The following RRM1 variants were observed in gnomAD, a reference collection of about 807,000 sequenced individuals.
RRM1 encodes the protein ribonucleoside-diphosphate reductase large subunit.
RRM1 carries 19 observed loss-of-function variants against 101.5 expected under a neutral mutation model. The observed-to-expected ratio is 0.19, with a 90% confidence interval of 0.13 to 0.27. The LOEUF (loss-of-function observed/expected upper bound fraction) is 0.27, where lower values mean the gene tolerates loss of function less well. RRM1 is among the 10% of genes least tolerant of loss of function. The probability of loss-of-function intolerance (pLI) is 1.00; values close to 1 mark genes in which losing one functional copy is unlikely to be tolerated. For synonymous variants in RRM1, 298 were observed against 323.4 expected (o/e 0.92, Z 0.84); for missense variants, 500 against 962.9 (o/e 0.52, Z 6.36).
At chr11:4,101,783 C>T (rs990300763) in intron 1 of RRM1, 5 of 477,020 alleles carry the variant, frequency 1.0e-5, no homozygotes, top group African/African-American at 6.1e-5. Context: ...TATCCGTAAA[C>T]GTCTGTCTGT....
intron 14 of RRM1, 126 bp from the exon 15 acceptor site, chr11:4,128,948 A>G (rs1190310510): frequency 3.7e-6 from 2 of 535,818 alleles, no homozygotes; most frequent in African/African-American, 3.9e-5. Flanking sequence ...TTCCTCATAG[A>G]GGTTGATTAG....
In RRM1 at chr11:4,133,029, G is replaced by A. The variant is rs527333992; in HGVS notation, c.1906-534G>A. On this transcript the variant is annotated intron_variant, in intron 16 of 18. Transcript: ENST00000300738. ...CGCTATTCTTTTCACTTTTGCAAAC[G>A]CCATATGTTTCTTTTTTAATGAAAA... Among the ~76,000 whole-genome samples the A allele has an allele frequency of 3.9e-5, 6 of 152,046 alleles. No individual in the cohort carries two copies. The South Asian group carries it at 6.2e-4, about 16-fold the overall frequency.
At chr11:4,126,991 T>A (rs1433477019) in intron 13 of RRM1, 44 bp from the exon 14 acceptor site, 1 of 1,541,744 alleles carries the variant, frequency 6.5e-7, no homozygotes, top group Non-Finnish European at 8.8e-7. Context: ...CTTTTCCTGT[T>A]CAGTAATGTT....
In RRM1 at chr11:4,121,524, C is replaced by G. The variant is rs574159903; in HGVS notation, c.877-80C>G. The G allele has an allele frequency of 3.9e-5, 40 of 1,032,846 alleles. 1 individual carries two copies. The South Asian group carries it at 7.8e-4, about 20-fold the overall frequency. The allele number at this position is 1,032,846 out of a possible 1,614,324, so 64.0% of individuals were successfully genotyped here. The stretch of plus-strand genomic sequence containing the variant: ...ATTGTAGTGAAAATCAAAGGAGATA[C>G]TATAAAAGTGCTTTGGGAGACATGA... On this transcript the variant is annotated intron_variant, in intron 9 of 18. Transcript: ENST00000300738.
At position 4,118,472 on chromosome 11, in the gene RRM1, G is replaced by C; in HGVS notation, c.792+11G>C. On this transcript the variant is annotated intron_variant, in intron 8 of 18. Coordinates refer to ENST00000300738, the MANE Select transcript of RRM1 (RefSeq NM_001033.5). ...AGCTACATTGCTGGGGTAGGTTTCT[G>C]CCATTTGACTTTTAAAGGGGGATTC... The C allele has an allele frequency of 6.2e-7, 1 of 1,613,622 alleles. No individual in the cohort carries two copies. Among genetic ancestry groups the C allele is most frequent in the Non-Finnish European group, 8.5e-7 (1 of 1,179,768 alleles).
At chr11:4,108,892 G>T (rs990811539) in intron 4 of RRM1, among the ~76,000 whole-genome samples, 5 of 152,102 alleles carry the variant, frequency 3.3e-5, no homozygotes, top group Non-Finnish European at 5.9e-5. Context: ...CTTTCGTATA[G>T]GTTTTTCTAG....
chr11:4,110,176 T>A (rs1369704260), intron 5 of RRM1, among the ~76,000 whole-genome samples: 1 of 152,096 alleles, frequency 6.6e-6, no homozygotes, highest in Non-Finnish European at 1.5e-5. Flanking sequence ...TTTTTGAGTC[T>A]GTGTCTCACT....
intron 18 of RRM1, chr11:4,137,367 C>G (rs1221421997): frequency 5.9e-6 from 1 of 169,032 alleles, no homozygotes; most frequent in African/African-American, 2.4e-5. Context: ...CGCCCCTCAC[C>G]TCCCAGACGG....
At chr11:4,106,933 G>T (rs1463683322) in intron 3 of RRM1, among the ~76,000 whole-genome samples, 1 of 149,954 alleles carries the variant, frequency 6.7e-6, no homozygotes, top group Non-Finnish European at 1.5e-5. Context: ...TGCTCTTATC[G>T]CCTAGGCTGG....
intron 9 of RRM1, 175 bp downstream of exon 9, chr11:4,120,103 G>C: frequency 3.9e-6 from 2 of 507,864 alleles, no homozygotes; most frequent in South Asian, 4.8e-5. Context: ...CAGTTTGATG[G>C]GTTTTGACAA....
At position 4,138,611 on chromosome 11, in the gene RRM1, G is replaced by T; in HGVS notation, c.*228G>T. On this transcript the variant is annotated 3_prime_UTR_variant, in exon 19 of 19. Coordinates refer to ENST00000300738, the MANE Select transcript of RRM1 (RefSeq NM_001033.5). ...TTTTGAAAAAAAGAAAAAAAAAACG[G>T]ATATATTGAGAATCAAAGTAGAAGT... 2 of 337,198 alleles carry T rather than the reference G, an allele frequency of 5.9e-6. No individual in the cohort carries two copies. Among genetic ancestry groups the T allele is most frequent in the Middle Eastern group, 7.6e-4 (1 of 1,308 alleles). The allele number at this position is 337,198 out of a possible 1,614,324, so 20.9% of individuals were successfully genotyped here.
chr11:4,114,321 A>G (rs2133299619), intron 7 of RRM1, among the ~76,000 whole-genome samples: 1 of 152,122 alleles, frequency 6.6e-6, no homozygotes, highest in Admixed American at 6.5e-5. Flanking sequence ...TGGGAGGCTG[A>G]GGCAGGTGGA....
Position 4,107,513 on chromosome 11 carries a change from A to G in RRM1, c.365A>G (p.Asp122Gly). 1 of 1,612,806 alleles carries G rather than the reference A, an allele frequency of 6.2e-7. No individual in the cohort carries two copies. Among genetic ancestry groups the G allele is most frequent in the Non-Finnish European group, 8.5e-7 (1 of 1,178,862 alleles). ...HSPMVAKSTL[D>G]IVLANKDRLN... ...CCCATGGTGGCCAAGTCAACATTGGATATTGTTCTGGCCAATAAAGATGTA... is the reference window on the plus strand; with the variant it reads ...CCCATGGTGGCCAAGTCAACATTGGGTATTGTTCTGGCCAATAAAGATGTA... Residue 122 changes from aspartate (D) to glycine (G), a missense_variant, in exon 4 of 19, where the codon GAT becomes GGT. Transcript: ENST00000300738.
intron 7 of RRM1, among the ~76,000 whole-genome samples, chr11:4,113,689 A>G (rs2133298936): frequency 6.6e-6 from 1 of 152,348 alleles, no homozygotes; most frequent in Middle Eastern, 3.4e-3. Flanking sequence ...CCTACTACAC[A>G]CATAGGATAT....
rs1554976190 is a variant in RRM1 at position 4,130,066 on chromosome 11, T to TA, written c.1769+916_1769+917insA. ...TTAAGAAAATGGACCTGTACTGTAT[T>TA]TATATATATATATATATATATTTTT... is the stretch of plus-strand genomic sequence containing the variant. On this transcript the variant is annotated intron_variant, in intron 15 of 18. Coordinates refer to ENST00000300738, the MANE Select transcript of RRM1 (RefSeq NM_001033.5). Among the ~76,000 whole-genome samples, 76 of 32,980 alleles carry TA rather than the reference T, an allele frequency of 2.3e-3. 1 individual carries two copies. Among genetic ancestry groups the TA allele is most frequent in the South Asian group, 0.014 (9 of 650 alleles). 21.6% of individuals were successfully genotyped at this position (32,980 alleles called of 152,430 possible). A position where few individuals can be genotyped will look rare whatever the true frequency, so the allele number is the denominator to read the frequency against.
intron 18 of RRM1, 48 bp from the exon 19 acceptor site, chr11:4,138,147 G>T (rs767171984): frequency 1.9e-5 from 21 of 1,101,062 alleles, no homozygotes; most frequent in Non-Finnish European, 2.5e-5. Flanking sequence ...GGAATGTCTA[G>T]TATTCTCACA....
chr11:4,103,687 A>G (rs569000748), intron 2 of RRM1, among the ~76,000 whole-genome samples: 77 of 152,136 alleles, frequency 5.1e-4, no homozygotes, highest in African/African-American at 1.4e-3. Context: ...CAGTGGCTCA[A>G]TCTTGGCCCA....
intron 17 of RRM1, among the ~76,000 whole-genome samples, chr11:4,134,424 C>T (rs543107764): frequency 1.3e-5 from 2 of 152,202 alleles, no homozygotes; most frequent in South Asian, 2.1e-4. Context: ...AGTCACAAAT[C>T]GTGTAAATAT....
At chr11:4,130,086 A>ATATATATATATATT (rs1202870487) in intron 15 of RRM1, among the ~76,000 whole-genome samples, 5 of 99,446 alleles carry the variant, frequency 5.0e-5, no homozygotes, top group African/African-American at 2.7e-4. Flanking sequence ...ATATATATAT[A>ATATATATATATATT]TTTTTTTTTT....
Sources: gnomAD v4.1 joint callset for allele counts (sites outside exome capture counted in the v4.1 genomes callset) on GRCh38, gnomAD v4.1.1 for gene constraint, MANE v1.5 for transcripts, NCBI Gene and HGNC (gene_info 2026-07-23, HGNC 2026-07-21) for gene names.